The following AFG3L2 variants were observed in gnomAD, a reference collection of about 807,000 sequenced individuals.
AFG3L2 encodes AFG3 like matrix AAA peptidase subunit 2, also known as mitochondrial inner membrane m-AAA protease component AFG3L2.
A neutral mutation model predicts 94.5 loss-of-function variants in AFG3L2; 54 were observed. That is an observed-to-expected ratio of 0.57 (90% CI 0.46 to 0.72). The LOEUF (loss-of-function observed/expected upper bound fraction) is 0.72. AFG3L2 is among the 30% of genes least tolerant of loss of function. AFG3L2 has a pLI of 0.00. For missense variants in AFG3L2, 754 were observed against 994.9 expected (o/e 0.76, Z 3.26); for synonymous variants, 377 against 365.5 (o/e 1.03, Z -0.36).
chr18:12,359,685 TGAGTCAAGA>T (rs1273292751), intron 7 of AFG3L2, among the ~76,000 whole-genome samples: 1 of 151,678 alleles, frequency 6.6e-6, no homozygotes, highest in African/African-American at 2.4e-5. Context: ...AAGGTTGCAG[TGAGTCAAGA>T]TCATACGACT....
At chr18:12,368,890 C>T (rs1908890674) in intron 3 of AFG3L2, among the ~76,000 whole-genome samples, 1 of 152,154 alleles carries the variant, frequency 6.6e-6, no homozygotes, top group South Asian at 2.1e-4. Context: ...CGTTGAGCCA[C>T]CGCACCCGGA....
At chr18:12,331,757 G>A (rs1196741724) in intron 16 of AFG3L2, among the ~76,000 whole-genome samples, 4 of 117,072 alleles carry the variant, frequency 3.4e-5, no homozygotes, top group African/African-American at 1.2e-4. Context: ...TGGAGGCACT[G>A]CACTCCAGCC....
At chr18:12,376,944 C>G in intron 1 of AFG3L2, 25 bp downstream of exon 1, 1 of 1,409,536 alleles carries the variant, frequency 7.1e-7, no homozygotes, top group Non-Finnish European at 9.3e-7. Flanking sequence ...GGGTGGAGGG[C>G]GCCGGGCGCC....
At chr18:12,375,612 C>A (rs1431503972) in intron 1 of AFG3L2, among the ~76,000 whole-genome samples, 6 of 152,126 alleles carry the variant, frequency 3.9e-5, no homozygotes, top group African/African-American at 1.4e-4. Context: ...GTGGCCCGCT[C>A]TTGGCTCACT....
chr18:12,360,799 C>A (rs191434568), intron 6 of AFG3L2, among the ~76,000 whole-genome samples: 1 of 152,154 alleles, frequency 6.6e-6, no homozygotes, highest in South Asian at 2.1e-4. Flanking sequence ...AAAACTTGCT[C>A]ATGGTCACAC....
At position 12,337,367 on chromosome 18, in the gene AFG3L2, TGAG is replaced by T; in HGVS notation, c.2146_2148del (p.Leu716del). On this transcript the variant is annotated inframe_deletion, in exon 16 of 17. Coordinates refer to ENST00000269143, the MANE Select transcript of AFG3L2 (RefSeq NM_006796.3). ...TTCTCCACGTCAGCTTTCTTTTCTG[TGAG>T]AAGAGCTACTGTTCTTTTATAAGCA... is the stretch of plus-strand genomic sequence containing the variant. The T allele has an allele frequency of 6.2e-7, 1 of 1,614,130 alleles. No homozygotes were observed.
intron 3 of AFG3L2, among the ~76,000 whole-genome samples, chr18:12,370,470 TTTTTTTTTTC>T (rs1404228055): frequency 1.5e-5 from 2 of 134,034 alleles, no homozygotes; most frequent in African/African-American, 3.2e-5. Flanking sequence ...TTTCTTTTTT[TTTTTTTTTTC>T]TTTTTTTTTT....
At chr18:12,356,121 C>CA (rs55757012) in intron 9 of AFG3L2, among the ~76,000 whole-genome samples, 94,693 of 138,164 alleles carry the variant, frequency 0.69, 32,750 homozygotes, top group South Asian at 0.78. Context: ...ATGTTGTCAC[C>CA]AAAAAAAAAA....
intron 14 of AFG3L2, 52 bp from the exon 15 acceptor site, chr18:12,340,453 C>A: frequency 7.3e-7 from 1 of 1,371,928 alleles, no homozygotes; most frequent in South Asian, 1.2e-5. Flanking sequence ...AAGACTTGAT[C>A]AAAACATCTG....
At chr18:12,331,664 C>T (rs1011275107) in intron 16 of AFG3L2, among the ~76,000 whole-genome samples, 35 of 151,918 alleles carry the variant, frequency 2.3e-4, no homozygotes, top group Non-Finnish European at 3.7e-4. Flanking sequence ...CGTTGTGGCA[C>T]CTGCCTGTAA....
intron 6 of AFG3L2, among the ~76,000 whole-genome samples, chr18:12,360,398 C>T (rs1334339596): frequency 6.6e-6 from 1 of 152,060 alleles, no homozygotes; most frequent in African/African-American, 2.4e-5. Context: ...ATTTTAGCTC[C>T]CTATTCCCAA....
rs777834163 is a variant in AFG3L2 at position 12,332,679 on chromosome 18, TA to T, written c.2176-2897del. Reference sequence around the variant, plus strand: ...TCATATCATTTTATCCATATATATATATATATTTTTTGTCTATATCTCTAAA... The same window carrying T: ...TCATATCATTTTATCCATATATATATTATATTTTTTGTCTATATCTCTAAA... On this transcript the variant is annotated intron_variant, in intron 16 of 16. Transcript: ENST00000269143. Among the ~76,000 whole-genome samples, 139 of 94,874 alleles carry T rather than the reference TA, an allele frequency of 1.5e-3. 1 individual carries two copies. The highest frequency in any genetic ancestry group is 5.4e-3 in the Middle Eastern group (1 of 184). 62.2% of individuals were successfully genotyped at this position (94,874 alleles called of 152,430 possible). A position where few individuals can be genotyped will look rare whatever the true frequency, so the allele number is the denominator to read the frequency against.
At chr18:12,334,554 A>C (rs1281532037) in intron 16 of AFG3L2, among the ~76,000 whole-genome samples, 1 of 152,122 alleles carries the variant, frequency 6.6e-6, no homozygotes, top group Non-Finnish European at 1.5e-5. Flanking sequence ...CAAACCGTTT[A>C]TCACTCCCTT....
intron 4 of AFG3L2, 74 bp downstream of exon 4, chr18:12,367,201 AC>A: frequency 6.2e-7 from 1 of 1,611,912 alleles, no homozygotes; most frequent in Non-Finnish European, 8.5e-7. Flanking sequence ...TCCCTCCAAC[AC>A]TACACTAATG....
rs1907440575 is a variant in AFG3L2 at position 12,329,388 on chromosome 18, C to T, written c.*177G>A. ...CTCAAGGCCTCCGGAAAGTCACCTG[C>T]CACCCACTGTGACCTCTGAGGCTGA... On this transcript the variant is annotated 3_prime_UTR_variant, in exon 17 of 17. Transcript: ENST00000269143. 1.4e-6 allele frequency: 1 copy of T among 717,640 alleles called. No homozygotes were observed. 44.5% of individuals were successfully genotyped at this position (717,640 alleles called of 1,614,324 possible).
At chr18:12,351,520 C>T in intron 10 of AFG3L2, 107 bp from the exon 11 acceptor site, 1 of 910,978 alleles carries the variant, frequency 1.1e-6, no homozygotes, top group Non-Finnish European at 1.8e-6. Flanking sequence ...ACAGTAAACA[C>T]ATTTTCTATT....
chr18:12,361,947 C>T (rs17595308), intron 6 of AFG3L2, among the ~76,000 whole-genome samples: 5,220 of 152,312 alleles, frequency 0.034, 106 homozygotes, highest in Admixed American at 0.051. Context: ...ATGGGCCAAA[C>T]GCCTGGCTCC....
In AFG3L2 at chr18:12,351,298, C is replaced by T; in HGVS notation, c.1426+8G>A. 14 of 1,614,156 alleles carry T rather than the reference C, an allele frequency of 8.7e-6. No individual in the cohort carries two copies. The highest frequency in any genetic ancestry group is 1.2e-5 in the Non-Finnish European group (14 of 1,180,016). On this transcript the variant is annotated splice_region_variant and intron_variant, in intron 11 of 16. Transcript: ENST00000269143. ...GCACTGGACCTGCCCCAGCAAACAT[C>T]ATCTCACCAATAAAGATCTGCCTGT...
In AFG3L2 at chr18:12,371,639, G is replaced by C. The variant is rs1249339790; in HGVS notation, c.167C>G (p.Thr56Arg). The C allele has an allele frequency of 6.8e-6, 11 of 1,613,938 alleles. No homozygotes were observed. The highest frequency in any genetic ancestry group is 8.5e-6 in the Non-Finnish European group (10 of 1,180,020). The change falls in exon 2 of 17, where the codon ACA becomes AGA. Residue 56 changes from threonine (T) to arginine (R), a missense_variant. This residue lies in a region of AFG3L2 where 236 missense variants were observed against 214.0 expected (regional missense o/e 1.10). Transcript: ENST00000269143. Reference sequence around the variant, plus strand: ...TCTTTGATAAGCAGCAATTATATCTGTCAAAAGAGAATTTCTGCTGGCCCT... The same window carrying C: ...TCTTTGATAAGCAGCAATTATATCTCTCAAAAGAGAATTTCTGCTGGCCCT... ...QARASRNSLL[T>R]DIIAAYQRFC...
Sources: allele counts gnomAD v4.1 joint callset (sites outside exome capture counted in the v4.1 genomes callset), GRCh38; gene constraint gnomAD v4.1.1; regional missense constraint gnomAD v4.1.1; transcripts MANE v1.5; gene names NCBI Gene and HGNC (gene_info 2026-07-23, HGNC 2026-07-21).